GUCA1C: variants seen among roughly 807,000 people sequenced by gnomAD.
GUCA1C encodes guanylate cyclase activator 1C.
A neutral mutation model predicts 16.2 loss-of-function variants in GUCA1C; 15 were observed. The observed-to-expected ratio is 0.93, with a 90% confidence interval of 0.62 to 1.43. GUCA1C has a LOEUF of 1.43. Among genes scored for constraint, GUCA1C ranks in the 40% most tolerant of loss-of-function variants. The pLI, the probability that GUCA1C is intolerant of heterozygous loss-of-function variation, is 0.00. For missense variants in GUCA1C, 275 were observed against 244.8 expected (o/e 1.12, Z -0.82); for synonymous variants, 78 against 85.4 (o/e 0.91, Z 0.48).
At chr3:108,932,392 A>G (rs978176947) in intron 1 of GUCA1C, among the ~76,000 whole-genome samples, 1 of 151,120 alleles carries the variant, frequency 6.6e-6, no homozygotes, top group African/African-American at 2.4e-5. Flanking sequence ...AAGAGTCTGC[A>G]TTTTAAAATG....
chr3:108,940,958 G>C (rs903754424), intron 1 of GUCA1C, among the ~76,000 whole-genome samples: 1 of 152,184 alleles, frequency 6.6e-6, no homozygotes, highest in Admixed American at 6.5e-5. Context: ...GGGTCAGAGT[G>C]GGGACAGGAG....
Position 108,953,486 on chromosome 3 carries a change from A to AG in GUCA1C, c.204+72dup, listed in dbSNP as rs150890164. 4.9e-3 allele frequency: 4,506 copies of AG among 923,922 alleles called. 4 individuals are homozygous for AG. Among genetic ancestry groups the AG allele is most frequent in the Admixed American group, 6.2e-3 (280 of 45,228 alleles). 57.2% of individuals were successfully genotyped at this position (923,922 alleles called of 1,614,324 possible). A position where few individuals can be genotyped will look rare whatever the true frequency, so the allele number is the denominator to read the frequency against. On this transcript the variant is annotated intron_variant, in intron 1 of 3. Coordinates refer to ENST00000261047, the MANE Select transcript of GUCA1C (RefSeq NM_005459.4). ...CACATTTTACTTAAGGCTATTTTAC[A>AG]GGAAAAAAAAAAAAAAGGGAAGAGT... is the stretch of plus-strand genomic sequence containing the variant.
intron 1 of GUCA1C, among the ~76,000 whole-genome samples, chr3:108,951,047 T>TA (rs1946891686): frequency 6.6e-6 from 1 of 150,938 alleles, no homozygotes; most frequent in African/African-American, 2.4e-5. Flanking sequence ...CTATAGCACA[T>TA]AAAAGAAAAA....
intron 1 of GUCA1C, among the ~76,000 whole-genome samples, chr3:108,946,891 G>GAAAAAAAAAAAAAAAAAAAAAAA (rs10607933): frequency 1.0e-5 from 1 of 96,400 alleles, no homozygotes; most frequent in Admixed American, 1.1e-4. Flanking sequence ...TCAAGAATCT[G>GAAAAAAAAAAAAAAAAAAAAAAA]AAAAAAAAAA....
chr3:108,924,403 T>C (rs1448434002), intron 1 of GUCA1C, among the ~76,000 whole-genome samples: 2 of 152,158 alleles, frequency 1.3e-5, no homozygotes, highest in Admixed American at 6.5e-5. Context: ...GACATGATCA[T>C]GTGATTTTTT....
intron 2 of GUCA1C, among the ~76,000 whole-genome samples, chr3:108,918,301 G>A (rs1353986373): frequency 7.2e-5 from 11 of 152,128 alleles, no homozygotes; most frequent in African/African-American, 1.9e-4. Flanking sequence ...TCTTCCAGTG[G>A]CTCTGCAGGA....
At chr3:108,915,447 T>C (rs920548307) in intron 3 of GUCA1C, among the ~76,000 whole-genome samples, 1 of 152,228 alleles carries the variant, frequency 6.6e-6, no homozygotes, top group Non-Finnish European at 1.5e-5. Context: ...TTTGCTGATA[T>C]CAAAGCTACA....
intron 3 of GUCA1C, among the ~76,000 whole-genome samples, chr3:108,909,850 T>C (rs537776743): frequency 6.6e-6 from 1 of 152,338 alleles, no homozygotes; most frequent in East Asian, 1.9e-4. Context: ...AAACTCTACC[T>C]ATAGTAACAT....
intron 1 of GUCA1C, among the ~76,000 whole-genome samples, chr3:108,952,366 C>A (rs2107322724): frequency 6.6e-6 from 1 of 152,296 alleles, no homozygotes; most frequent in African/African-American, 2.4e-5. Context: ...TCGCCTTTTG[C>A]TTGCATTGAC....
chr3:108,935,352 A>AAT (rs974801313), intron 1 of GUCA1C, among the ~76,000 whole-genome samples: 19 of 151,490 alleles, frequency 1.3e-4, no homozygotes, highest in African/African-American at 4.6e-4. Context: ...AAAATTGAAA[A>AAT]AAAAATAAAA....
chr3:108,945,887 T>C (rs999539216), intron 1 of GUCA1C, among the ~76,000 whole-genome samples: 2 of 152,226 alleles, frequency 1.3e-5, no homozygotes, highest in Admixed American at 1.3e-4. Context: ...CCCAATGATA[T>C]GCTGGAGCGT....
intron 1 of GUCA1C, among the ~76,000 whole-genome samples, chr3:108,947,158 G>T (rs1009858960): frequency 1.3e-5 from 2 of 152,064 alleles, no homozygotes; most frequent in Non-Finnish European, 2.9e-5. Context: ...AGAAACAGTT[G>T]ATTAACACAC....
At chr3:108,944,522 G>A (rs1946824167) in intron 1 of GUCA1C, among the ~76,000 whole-genome samples, 1 of 152,184 alleles carries the variant, frequency 6.6e-6, no homozygotes, top group South Asian at 2.1e-4. Context: ...TATAGCAACT[G>A]CATGCTGTTT....
intron 1 of GUCA1C, among the ~76,000 whole-genome samples, chr3:108,925,595 T>C (rs967232699): frequency 3.9e-5 from 6 of 152,226 alleles, no homozygotes; most frequent in African/African-American, 1.4e-4. Context: ...ATGTATATTC[T>C]ATAGGTGTTG....
intron 3 of GUCA1C, among the ~76,000 whole-genome samples, chr3:108,911,974 T>G (rs4855672): frequency 1.7e-3 from 250 of 151,232 alleles, no homozygotes; most frequent in Non-Finnish European, 2.2e-3. Context: ...GGCGTAGTGG[T>G]GGGTGACTGT....
At chr3:108,923,044 G>GT (rs564164742) in intron 1 of GUCA1C, among the ~76,000 whole-genome samples, 294 of 152,122 alleles carry the variant, frequency 1.9e-3, no homozygotes, top group African/African-American at 6.8e-3. Context: ...TTGTTAATTT[G>GT]TTTGAGTTCT....
chr3:108,946,722 C>T (rs1451354293), intron 1 of GUCA1C, among the ~76,000 whole-genome samples: 4 of 151,642 alleles, frequency 2.6e-5, no homozygotes, highest in East Asian at 3.9e-4. Context: ...ATTTACAATG[C>T]GGGATATTCT....
intron 1 of GUCA1C, among the ~76,000 whole-genome samples, chr3:108,943,610 C>T (rs912543862): frequency 1.3e-5 from 2 of 152,144 alleles, no homozygotes; most frequent in African/African-American, 4.8e-5. Flanking sequence ...GGTTTACATG[C>T]AATCCTGGAG....
intron 1 of GUCA1C, among the ~76,000 whole-genome samples, chr3:108,937,260 T>C (rs1334282603): frequency 1.3e-5 from 2 of 152,170 alleles, no homozygotes; most frequent in East Asian, 1.9e-4. Context: ...AGCTGCATTA[T>C]AGGCCAGACT....
Sources: gnomAD v4.1 joint callset for allele counts (sites outside exome capture counted in the v4.1 genomes callset) on GRCh38, gnomAD v4.1.1 for gene constraint, MANE v1.5 for transcripts, NCBI Gene and HGNC (gene_info 2026-07-23, HGNC 2026-07-21) for gene names.